The following BACE2 variants were observed in gnomAD, a reference collection of about 807,000 sequenced individuals.
BACE2 encodes the protein 56 kDa aspartic-like protease.
BACE2 carries 17 observed loss-of-function variants against 46.2 expected under a neutral mutation model. That is an observed-to-expected ratio of 0.37 (90% CI 0.25 to 0.55). The LOEUF is 0.55. Among genes scored for constraint, BACE2 ranks in the 20% least tolerant of loss-of-function variants. BACE2 has a pLI of 0.82. For missense variants in BACE2, 595 were observed against 698.1 expected (o/e 0.85, Z 1.66); for synonymous variants, 277 against 295.9 (o/e 0.94, Z 0.66).
At chr21:41,221,055 A>C (rs569186892) in intron 1 of BACE2, among the ~76,000 whole-genome samples, 3 of 151,842 alleles carry the variant, frequency 2.0e-5, no homozygotes, top group East Asian at 1.9e-4. Context: ...AAAAAAAAAA[A>C]AAAAAAACAG....
At position 41,226,491 on chromosome 21, in the gene BACE2, C is replaced by T. The variant is rs1311199947; in HGVS notation, c.401+137C>T. ...ACCAATATGTATGTGTATGTATACA[C>T]ACATGTGGACATGTGTATGCATATG... On this transcript the variant is annotated intron_variant, in intron 2 of 8. Transcript: ENST00000330333. The T allele has an allele frequency of 5.7e-6, 4 of 698,456 alleles. No individual in the cohort carries two copies. The African/African-American group carries it at 7.2e-5, about 13-fold the overall frequency. The allele number at this position is 698,456 out of a possible 1,614,324, so 43.3% of individuals were successfully genotyped here.
chr21:41,192,727 C>G (rs867697513), intron 1 of BACE2, among the ~76,000 whole-genome samples: 1 of 152,220 alleles, frequency 6.6e-6, no homozygotes, highest in Non-Finnish European at 1.5e-5. Flanking sequence ...TGCACAGCAG[C>G]CTGGACCTGT....
chr21:41,221,945 C>G (rs554340754), intron 1 of BACE2, among the ~76,000 whole-genome samples: 1 of 152,118 alleles, frequency 6.6e-6, no homozygotes, highest in Non-Finnish European at 1.5e-5. Context: ...GGAGGCTTCA[C>G]GCTGGTGGGG....
At chr21:41,221,827 CAAAAAAAAAAA>C (rs58502168) in intron 1 of BACE2, among the ~76,000 whole-genome samples, 4 of 98,746 alleles carry the variant, frequency 4.1e-5, no homozygotes, top group African/African-American at 9.4e-5. Flanking sequence ...GACTCTGTCT[CAAAAAAAAAAA>C]AAAAAAAAAA....
intron 1 of BACE2, among the ~76,000 whole-genome samples, chr21:41,211,680 T>C (rs1986307219): frequency 6.6e-6 from 1 of 152,250 alleles, no homozygotes; most frequent in African/African-American, 2.4e-5. Flanking sequence ...GCTGCTAATA[T>C]AATTAGGAAT....
At chr21:41,181,745 G>C (rs1985134578) in intron 1 of BACE2, 1 of 167,088 alleles carries the variant, frequency 6.0e-6, no homozygotes, top group African/African-American at 2.4e-5. Flanking sequence ...ATAGGGGTTT[G>C]GGTATTTTGG....
At chr21:41,261,052 G>A (rs1475054272) in intron 8 of BACE2, among the ~76,000 whole-genome samples, 1 of 152,096 alleles carries the variant, frequency 6.6e-6, no homozygotes, top group East Asian at 1.9e-4. Flanking sequence ...AATGTACCCA[G>A]ATTACCCATT....
chr21:41,169,939 A>G (rs1176037121), intron 1 of BACE2, among the ~76,000 whole-genome samples: 1 of 152,202 alleles, frequency 6.6e-6, no homozygotes, highest in Non-Finnish European at 1.5e-5. Flanking sequence ...GGTGCAGCCA[A>G]CACGTGGGAA....
intron 1 of BACE2, among the ~76,000 whole-genome samples, chr21:41,198,301 A>G (rs1362790751): frequency 3.9e-5 from 6 of 152,154 alleles, no homozygotes; most frequent in African/African-American, 9.7e-5. Flanking sequence ...CCCAAAATAT[A>G]TATTTTTTGA....
At chr21:41,198,688 A>G (rs1220465674) in intron 1 of BACE2, among the ~76,000 whole-genome samples, 1 of 152,000 alleles carries the variant, frequency 6.6e-6, no homozygotes, top group Non-Finnish European at 1.5e-5. Flanking sequence ...CACCCACTCG[A>G]GTTTCAGCAC....
At chr21:41,255,159 G>C (rs186607239) in intron 7 of BACE2, among the ~76,000 whole-genome samples, 2 of 152,226 alleles carry the variant, frequency 1.3e-5, no homozygotes, top group South Asian at 2.1e-4. Flanking sequence ...GGTCTGATTT[G>C]GGGGGAACAG....
chr21:41,187,880 C>T (rs1395457911), intron 1 of BACE2, among the ~76,000 whole-genome samples: 1 of 152,208 alleles, frequency 6.6e-6, no homozygotes, highest in East Asian at 1.9e-4. Context: ...GACCCACTAC[C>T]ACTTCCATGT....
chr21:41,219,750 T>C (rs571087717), intron 1 of BACE2, among the ~76,000 whole-genome samples: 168 of 152,346 alleles, frequency 1.1e-3, no homozygotes, highest in Non-Finnish European at 2.1e-3. Flanking sequence ...ATTTGCTTGG[T>C]GTCCTCTAAG....
At position 41,237,718 on chromosome 21, in the gene BACE2, A is replaced by G; in HGVS notation, c.607A>G (p.Thr203Ala). ...TGGAATACTTGGCCTAGCTTATGCCACACTTGCCAAGGTAAGGCTAATCCA... is the reference window on the plus strand; with the variant it reads ...TGGAATACTTGGCCTAGCTTATGCCGCACTTGCCAAGGTAAGGCTAATCCA... ...WNGILGLAYATLAKPSSSLET... is the reference protein window; with the variant it reads ...WNGILGLAYAALAKPSSSLET... The change falls in exon 3 of 9, where the codon ACA becomes GCA. Residue 203 changes from threonine (T) to alanine (A), a missense_variant. Around this residue, in one of 3 missense-constraint regions of BACE2, gnomAD observed 343 missense variants for 419.4 expected, o/e 0.82. Coordinates refer to ENST00000330333, the MANE Select transcript of BACE2 (RefSeq NM_012105.5). 1 of 1,613,560 alleles carries G rather than the reference A, an allele frequency of 6.2e-7. No homozygotes were observed. Among genetic ancestry groups the G allele is most frequent in the Non-Finnish European group, 8.5e-7 (1 of 1,179,436 alleles).
chr21:41,269,135 G>A (rs763476995), intron 8 of BACE2, among the ~76,000 whole-genome samples: 6 of 151,750 alleles, frequency 4.0e-5, no homozygotes, highest in Admixed American at 6.6e-5. Flanking sequence ...TGTATTTTTA[G>A]TAGAGATGGG....
At chr21:41,177,601 G>A (rs1305021560) in intron 1 of BACE2, 1 of 152,286 alleles carries the variant, frequency 6.6e-6, no homozygotes, top group Non-Finnish European at 1.5e-5. Flanking sequence ...GAAACAGTGT[G>A]CGTTTATGGT....
intron 8 of BACE2, among the ~76,000 whole-genome samples, chr21:41,260,753 G>T (rs2123634863): frequency 6.6e-6 from 1 of 152,276 alleles, no homozygotes; most frequent in South Asian, 2.1e-4. Context: ...CACTCCGTTG[G>T]TCGCACAGAA....
At chr21:41,224,731 G>C (rs958014649) in intron 1 of BACE2, among the ~76,000 whole-genome samples, 1 of 152,126 alleles carries the variant, frequency 6.6e-6, no homozygotes, top group East Asian at 1.9e-4. Context: ...CAATAGCATT[G>C]GTCCCTAGGG....
intron 7 of BACE2, among the ~76,000 whole-genome samples, chr21:41,255,777 G>T (rs907463579): frequency 1.3e-5 from 2 of 151,772 alleles, no homozygotes; most frequent in African/African-American, 4.8e-5. Context: ...TACCTAAGGG[G>T]CCTGGGGAGT....
Sources: gnomAD v4.1 joint callset for allele counts (sites outside exome capture counted in the v4.1 genomes callset) on GRCh38, gnomAD v4.1.1 for gene constraint, gnomAD v4.1.1 regional missense constraint, MANE v1.5 for transcripts, NCBI Gene and HGNC (gene_info 2026-07-23, HGNC 2026-07-21) for gene names.